The following MCTP1 variants were observed in gnomAD, a reference collection of about 807,000 sequenced individuals.
The protein encoded by MCTP1 is multiple C2 and transmembrane domain-containing protein 1.
MCTP1 carries 69 observed loss-of-function variants against 120.6 expected under a neutral mutation model. That is an observed-to-expected ratio of 0.57 (90% CI 0.47 to 0.70). MCTP1 has a LOEUF of 0.70. Ranked by LOEUF, MCTP1 falls within the 30% of genes least tolerant of loss-of-function variation. The pLI is 0.00. For missense variants in MCTP1, 1,203 were observed against 1,248.8 expected (o/e 0.96, Z 0.55); for synonymous variants, 529 against 493.1 (o/e 1.07, Z -0.96).
intron 1 of MCTP1, among the ~76,000 whole-genome samples, chr5:95,153,936 A>T (rs1361002217): frequency 6.6e-6 from 1 of 152,232 alleles, no homozygotes; most frequent in Admixed American, 6.5e-5. Flanking sequence ...TCTTTATTAC[A>T]TTTCTAAAAC....
chr5:94,714,709 AC>A, intron 20 of MCTP1, 67 bp downstream of exon 20: 1 of 912,522 alleles, frequency 1.1e-6, no homozygotes, highest in Non-Finnish European at 1.8e-6. Context: ...GTGGCATTTC[AC>A]CCTCCAAGAA....
chr5:94,906,227 G>A (rs1046179530), intron 10 of MCTP1, among the ~76,000 whole-genome samples: 6 of 152,070 alleles, frequency 3.9e-5, no homozygotes, highest in African/African-American at 1.4e-4. Context: ...GCTCACACCT[G>A]TTAATCCCAG....
At chr5:95,066,072 A>G (rs967830230) in intron 1 of MCTP1, among the ~76,000 whole-genome samples, 1 of 152,238 alleles carries the variant, frequency 6.6e-6, no homozygotes, top group Non-Finnish European at 1.5e-5. Context: ...TGAACAATCT[A>G]CTGAACGGGA....
chr5:95,264,189 T>A (rs546356129), intron 1 of MCTP1, among the ~76,000 whole-genome samples: 19 of 152,302 alleles, frequency 1.2e-4, no homozygotes, highest in African/African-American at 3.6e-4. Context: ...TATCTACCTC[T>A]CTAAAGTATG....
At chr5:94,974,746 T>TA (rs377048225) in intron 2 of MCTP1, among the ~76,000 whole-genome samples, 5 of 151,248 alleles carry the variant, frequency 3.3e-5, no homozygotes, top group South Asian at 2.1e-4. Context: ...ATTATGACCC[T>TA]AAAAAAAACC....
chr5:95,278,638 G>T (rs1305024509), intron 1 of MCTP1, among the ~76,000 whole-genome samples: 1 of 152,092 alleles, frequency 6.6e-6, no homozygotes, highest in African/African-American at 2.4e-5. Flanking sequence ...GTAGCAAAAA[G>T]AAATTAAAGC....
intron 8 of MCTP1, among the ~76,000 whole-genome samples, chr5:94,916,255 G>A (rs947158881): frequency 6.6e-6 from 1 of 152,164 alleles, no homozygotes; most frequent in Non-Finnish European, 1.5e-5. Flanking sequence ...GCTACCAACA[G>A]CAGAAAAGAT....
intron 2 of MCTP1, among the ~76,000 whole-genome samples, chr5:94,959,190 T>C (rs548160215): frequency 6.6e-6 from 1 of 152,296 alleles, no homozygotes; most frequent in South Asian, 2.1e-4. Flanking sequence ...TCTCAATAGA[T>C]GCAGAAAAGG....
At chr5:94,810,014 C>T (rs1783100418) in intron 17 of MCTP1, among the ~76,000 whole-genome samples, 1 of 152,046 alleles carries the variant, frequency 6.6e-6, no homozygotes, top group Non-Finnish European at 1.5e-5. Flanking sequence ...TCTTCTTATG[C>T]CTCCAATGAA....
chr5:95,059,755 G>A (rs757254212), intron 1 of MCTP1, among the ~76,000 whole-genome samples: 8 of 152,148 alleles, frequency 5.3e-5, no homozygotes, highest in Admixed American at 3.9e-4. Context: ...AATGTGCAGG[G>A]TGGTGACAGT....
intron 1 of MCTP1, among the ~76,000 whole-genome samples, chr5:95,044,837 C>T (rs890074841): frequency 1.3e-5 from 2 of 151,826 alleles, no homozygotes; most frequent in Admixed American, 6.6e-5. Context: ...TCCGAGCCCC[C>T]GTCATCCCTA....
intron 18 of MCTP1, among the ~76,000 whole-genome samples, chr5:94,796,100 G>A (rs1779945289): frequency 6.6e-6 from 1 of 152,148 alleles, no homozygotes; most frequent in Non-Finnish European, 1.5e-5. Context: ...ACCCATCTAT[G>A]CATTTTTCAT....
chr5:94,763,271 T>C (rs1186245122), intron 19 of MCTP1, among the ~76,000 whole-genome samples: 1 of 152,210 alleles, frequency 6.6e-6, no homozygotes, highest in Non-Finnish European at 1.5e-5. Flanking sequence ...TCCTTTAAAA[T>C]TGTCTATGAT....
intron 18 of MCTP1, among the ~76,000 whole-genome samples, chr5:94,781,082 A>T (rs1020069963): frequency 2.6e-5 from 4 of 152,090 alleles, no homozygotes; most frequent in Non-Finnish European, 5.9e-5. Context: ...TTCTGAAATG[A>T]TGATTATTTT....
intron 1 of MCTP1, among the ~76,000 whole-genome samples, chr5:95,248,296 C>T (rs1413776247): frequency 6.6e-6 from 1 of 152,146 alleles, no homozygotes; most frequent in East Asian, 1.9e-4. Flanking sequence ...CCCAAAATCT[C>T]CTTAAGCTGA....
At chr5:95,251,586 T>C (rs2152699716) in intron 1 of MCTP1, among the ~76,000 whole-genome samples, 1 of 152,322 alleles carries the variant, frequency 6.6e-6, no homozygotes, top group Middle Eastern at 3.4e-3. Flanking sequence ...TTTCTTATCT[T>C]GCTAGGGGAT....
At chr5:94,786,993 A>C (rs1777871992) in intron 18 of MCTP1, among the ~76,000 whole-genome samples, 1 of 152,216 alleles carries the variant, frequency 6.6e-6, no homozygotes, top group African/African-American at 2.4e-5. Context: ...ATTTATTAGA[A>C]TTAGTCTCCA....
chr5:94,981,308 T>A (rs1328030127), intron 2 of MCTP1, among the ~76,000 whole-genome samples: 1 of 152,206 alleles, frequency 6.6e-6, no homozygotes, highest in African/African-American at 2.4e-5. Flanking sequence ...GTCTTTTCTG[T>A]TAAACTTGCT....
At chr5:95,262,585 G>A (rs1758558918) in intron 1 of MCTP1, among the ~76,000 whole-genome samples, 1 of 152,176 alleles carries the variant, frequency 6.6e-6, no homozygotes, top group African/African-American at 2.4e-5. Context: ...TAGAAATCAA[G>A]TTAGAATATC....
Sources: gnomAD v4.1 joint callset for allele counts (sites outside exome capture counted in the v4.1 genomes callset) on GRCh38, gnomAD v4.1.1 for gene constraint, MANE v1.5 for transcripts, NCBI Gene and HGNC (gene_info 2026-07-23, HGNC 2026-07-21) for gene names.